CERT1: variants seen among roughly 807,000 people sequenced by gnomAD.
CERT1 encodes ceramide transfer protein.
A neutral mutation model predicts 87.9 loss-of-function variants in CERT1; 31 were observed. That is an observed-to-expected ratio of 0.35 (90% CI 0.27 to 0.48). The LOEUF (loss-of-function observed/expected upper bound fraction) is 0.48, where lower values mean the gene tolerates loss of function less well. CERT1 is among the 20% of genes least tolerant of loss of function. The probability of loss-of-function intolerance (pLI) is 0.99; values close to 1 mark genes in which losing one functional copy is unlikely to be tolerated. For synonymous variants in CERT1, 289 were observed against 250.9 expected (o/e 1.15, Z -1.44); for missense variants, 487 against 758.0 (o/e 0.64, Z 4.20).
intron 17 of CERT1, chr5:75,370,648 T>C (rs1761045355): frequency 6.6e-6 from 1 of 152,050 alleles, no homozygotes; most frequent in Admixed American, 6.6e-5. Context: ...CCTCCTGTTA[T>C]ATTTTGTTAA....
At chr5:75,504,643 A>C (rs1052529478) in intron 2 of CERT1, among the ~76,000 whole-genome samples, 25 of 152,018 alleles carry the variant, frequency 1.6e-4, no homozygotes, top group Admixed American at 1.6e-3. Context: ...CTTCTCTTTG[A>C]GTGAGTTAGT....
intron 2 of CERT1, among the ~76,000 whole-genome samples, chr5:75,504,552 T>C (rs561548421): frequency 6.6e-6 from 1 of 152,348 alleles, no homozygotes; most frequent in Admixed American, 6.5e-5. Context: ...TAAGTAAGGA[T>C]TAGATATTAA....
chr5:75,436,290 C>A (rs1764094678), intron 3 of CERT1, among the ~76,000 whole-genome samples: 1 of 152,196 alleles, frequency 6.6e-6, no homozygotes, highest in African/African-American at 2.4e-5. Flanking sequence ...GCCTCGGCCT[C>A]CCTAAGTGCT....
chr5:75,410,994 A>G lies in CERT1; in HGVS notation c.930+17T>C. The G allele has an allele frequency of 7.1e-7, 1 of 1,403,032 alleles. No individual in the cohort carries two copies. Among genetic ancestry groups the G allele is most frequent in the South Asian group, 1.3e-5 (1 of 79,822 alleles). 86.9% of individuals were successfully genotyped at this position (1,403,032 alleles called of 1,614,324 possible). ...ATGATCTATGTGTTTCTCTAAGATCAAAATATAAATTCATACTTCATAATC... is the reference window on the plus strand; with the variant it reads ...ATGATCTATGTGTTTCTCTAAGATCGAAATATAAATTCATACTTCATAATC... On this transcript the variant is annotated intron_variant, in intron 8 of 16. Transcript: ENST00000643780.
At chr5:75,477,023 G>C (rs921253986) in intron 2 of CERT1, among the ~76,000 whole-genome samples, 3 of 152,120 alleles carry the variant, frequency 2.0e-5, no homozygotes, top group Non-Finnish European at 4.4e-5. Flanking sequence ...CTTGACTTCT[G>C]CAAAGGTGTT....
chr5:75,456,803 C>T (rs948387369), intron 3 of CERT1, among the ~76,000 whole-genome samples: 2 of 151,744 alleles, frequency 1.3e-5, no homozygotes, highest in African/African-American at 4.8e-5. Flanking sequence ...GAGAGAGACC[C>T]AAAGATTAAA....
chr5:75,475,541 A>C (rs1321730374), intron 2 of CERT1, among the ~76,000 whole-genome samples: 1 of 152,104 alleles, frequency 6.6e-6, no homozygotes, highest in African/African-American at 2.4e-5. Flanking sequence ...ACTCTCACCA[A>C]ATGGCTCCTG....
intron 8 of CERT1, among the ~76,000 whole-genome samples, chr5:75,406,055 A>G (rs62366591): frequency 8.3e-4 from 126 of 152,322 alleles, no homozygotes; most frequent in Non-Finnish European, 1.7e-3. Flanking sequence ...CTTTCAATCC[A>G]TTCTTCCTAC....
intron 2 of CERT1, among the ~76,000 whole-genome samples, chr5:75,486,952 T>C (rs1044797971): frequency 5.9e-5 from 9 of 151,954 alleles, no homozygotes; most frequent in Admixed American, 3.9e-4. Flanking sequence ...AAAATAACAA[T>C]GACATCGTTC....
chr5:75,478,342 A>C (rs953729213), intron 2 of CERT1, among the ~76,000 whole-genome samples: 5 of 151,968 alleles, frequency 3.3e-5, no homozygotes, highest in African/African-American at 1.2e-4. Context: ...AAGAAAAGAA[A>C]AGAGGAAAAA....
intron 3 of CERT1, among the ~76,000 whole-genome samples, chr5:75,437,435 A>G (rs771869012): frequency 6.6e-6 from 1 of 152,224 alleles, no homozygotes; most frequent in African/African-American, 2.4e-5. Context: ...TTTCATTTAA[A>G]TAAGTTTCAT....
At chr5:75,379,570 C>T in intron 16 of CERT1, 97 bp from the exon 17 acceptor site, 2 of 1,124,678 alleles carry the variant, frequency 1.8e-6, no homozygotes, top group Middle Eastern at 2.0e-4. Flanking sequence ...ATATTCCTCA[C>T]ATTGGACCAA....
chr5:75,392,096 T>C (rs1323633392), intron 11 of CERT1, among the ~76,000 whole-genome samples: 2 of 152,230 alleles, frequency 1.3e-5, no homozygotes, highest in African/African-American at 2.4e-5. Context: ...GAGGTGTTTT[T>C]GATTTGTGGT....
At chr5:75,381,843 T>C in intron 15 of CERT1, 106 bp downstream of exon 15, 1 of 1,028,908 alleles carries the variant, frequency 9.7e-7, no homozygotes, top group Non-Finnish European at 1.4e-6. Flanking sequence ...CTAAGAACCA[T>C]TATCAAATCA....
chr5:75,492,907 G>A (rs1017764624), intron 2 of CERT1, among the ~76,000 whole-genome samples: 2 of 152,162 alleles, frequency 1.3e-5, no homozygotes, highest in Non-Finnish European at 2.9e-5. Flanking sequence ...TGAAGGGTTT[G>A]TTAAAGAAAG....
chr5:75,443,336 T>C (rs1158173391), intron 3 of CERT1, among the ~76,000 whole-genome samples: 1 of 152,234 alleles, frequency 6.6e-6, no homozygotes, highest in Non-Finnish European at 1.5e-5. Context: ...TATAAGTGTT[T>C]ATGGCTATAT....
chr5:75,379,172 A>G lies in CERT1; in HGVS notation c.*174T>C. The G allele has an allele frequency of 1.6e-6, 1 of 608,438 alleles. No individual in the cohort carries two copies. Among genetic ancestry groups the G allele is most frequent in the Non-Finnish European group, 2.8e-6 (1 of 350,992 alleles). 37.7% of individuals were successfully genotyped at this position (608,438 alleles called of 1,614,324 possible). The stretch of plus-strand genomic sequence containing the variant: ...ACTTCAGCTTAGGAAACAGAGCAAG[A>G]CCCTGTTTAAAACAACAACAACGAC... On this transcript the variant is annotated 3_prime_UTR_variant, in exon 17 of 17. Coordinates refer to ENST00000643780, the MANE Select transcript of CERT1 (RefSeq NM_001379029.1).
rs1333435727 is a variant in CERT1, at chr5:75,396,098, CTA to C, written c.1188+3210_1188+3211del. On this transcript the variant is annotated intron_variant, in intron 11 of 16. Transcript: ENST00000643780. ...CTTGATTATTTCAGCCAATTCAAGG[CTA>C]TAAAACATCATTTCAAGAAGAACAA... 3.9e-5 allele frequency among the ~76,000 whole-genome samples: 6 copies of C among 152,026 alleles called. No homozygotes were observed. The East Asian group carries it at 9.6e-4, about 24-fold the overall frequency.
intron 6 of CERT1, among the ~76,000 whole-genome samples, chr5:75,418,784 C>A (rs886330520): frequency 6.6e-6 from 1 of 152,024 alleles, no homozygotes; most frequent in Non-Finnish European, 1.5e-5. Flanking sequence ...GCAAACTAAT[C>A]TATAGTGTCA....
Sources: gnomAD v4.1 joint callset for allele counts (sites outside exome capture counted in the v4.1 genomes callset) on GRCh38, gnomAD v4.1.1 for gene constraint, MANE v1.5 for transcripts, NCBI Gene and HGNC (gene_info 2026-07-23, HGNC 2026-07-21) for gene names.